The following BNC2 variants were observed in gnomAD, a reference collection of about 807,000 sequenced individuals.
BNC2 encodes basonuclin zinc finger protein 2, also known as zinc finger protein basonuclin-2.
In BNC2, 20 loss-of-function variants were observed where a neutral mutation model predicts 76.3. The observed-to-expected ratio is 0.26, with a 90% CI of 0.18 to 0.38. The LOEUF is 0.38. Ranked by LOEUF, BNC2 falls within the 10% of genes least tolerant of loss-of-function variation. The probability of loss-of-function intolerance (pLI) is 1.00; values close to 1 mark genes in which losing one functional copy is unlikely to be tolerated. For missense variants in BNC2, 1,382 were observed against 1,399.8 expected, an observed-to-expected ratio of 0.99 and a Z score of 0.20; for synonymous variants, 582 against 514.8, an observed-to-expected ratio of 1.13 and a Z score of -1.77.
rs140809930 is a variant in BNC2 at position 16,678,267 on chromosome 9, CTTTTTTTTTTTT to C, written c.330+49518_330+49529del. Among the ~76,000 whole-genome samples the C allele has an allele frequency of 2.9e-3, 231 of 80,750 alleles. 2 individuals carry two copies. Among genetic ancestry groups the C allele is most frequent in the East Asian group, 0.024 (64 of 2,616 alleles). The allele number at this position is 80,750 out of a possible 152,430, so 53.0% of individuals were successfully genotyped here. A position where few individuals can be genotyped will look rare whatever the true frequency, so the allele number is the denominator to read the frequency against. ...ACTTGTAACTGTTTTCTTTCTTTTTCTTTTTTTTTTTTTTTTTTTTTTTTTTTTTGAGACAGA... is the reference window on the plus strand; with the variant it reads ...ACTTGTAACTGTTTTCTTTCTTTTTCTTTTTTTTTTTTTTTTTGAGACAGA... On this transcript the variant is annotated intron_variant, in intron 3 of 6. Coordinates refer to ENST00000380672, the MANE Select transcript of BNC2 (RefSeq NM_017637.6).
At chr9:16,865,862 T>C (rs557218842) in intron 1 of BNC2, among the ~76,000 whole-genome samples, 6 of 152,264 alleles carry the variant, frequency 3.9e-5, no homozygotes, top group South Asian at 2.1e-4. Flanking sequence ...AAAAGCATAC[T>C]GAGAATATAT....
chr9:16,751,841 C>T (rs5016912), intron 1 of BNC2, among the ~76,000 whole-genome samples: 130,202 of 151,424 alleles, frequency 0.86, 56,377 homozygotes, highest in Non-Finnish European at 0.91. Context: ...ACCAGCCTGG[C>T]CAACATGGTG....
chr9:16,839,274 ACTAGCACT>A (rs1342294282), intron 1 of BNC2, among the ~76,000 whole-genome samples: 3 of 152,194 alleles, frequency 2.0e-5, no homozygotes, highest in Non-Finnish European at 4.4e-5. Flanking sequence ...ACCAATCATA[ACTAGCACT>A]CGTTGCTAAG....
chr9:16,694,579 G>C (rs549973826), intron 3 of BNC2, among the ~76,000 whole-genome samples: 3 of 152,242 alleles, frequency 2.0e-5, no homozygotes, highest in Non-Finnish European at 4.4e-5. Flanking sequence ...CTCTAAACAG[G>C]GGAGCCAGGG....
At position 16,559,799 on chromosome 9, in the gene BNC2, A is replaced by G. The variant is rs1158080918; in HGVS notation, c.434-7034T>C. Among the ~76,000 whole-genome samples the G allele has an allele frequency of 2.0e-5, 3 of 152,210 alleles. No homozygotes were observed. In the East Asian group the frequency reaches 5.8e-4, roughly 29 times the overall value. ...TCCTCCTTCATTCATGCATACATTC[A>G]TTTATCCACCAGCACCTATTAACTT... is the stretch of plus-strand genomic sequence containing the variant. On this transcript the variant is annotated intron_variant, in intron 4 of 6. Coordinates refer to ENST00000380672, the MANE Select transcript of BNC2 (RefSeq NM_017637.6).
At chr9:16,676,046 C>T (rs1822630967) in intron 3 of BNC2, among the ~76,000 whole-genome samples, 1 of 152,124 alleles carries the variant, frequency 6.6e-6, no homozygotes, top group Non-Finnish European at 1.5e-5. Flanking sequence ...GCCTGGGTGA[C>T]AAAGCGAGAC....
chr9:16,785,206 C>G, intron 1 of BNC2, among the ~76,000 whole-genome samples: 1 of 152,174 alleles, frequency 6.6e-6, no homozygotes, highest in Admixed American at 6.5e-5. Flanking sequence ...CATTGCAGTG[C>G]AAGACAAGAC....
chr9:16,702,039 A>G (rs1823531172), intron 3 of BNC2, among the ~76,000 whole-genome samples: 1 of 152,162 alleles, frequency 6.6e-6, no homozygotes, highest in African/African-American at 2.4e-5. Context: ...CTAAAAAACA[A>G]TAAAAAGAAG....
At chr9:16,449,137 C>T (rs1437865558) in intron 5 of BNC2, among the ~76,000 whole-genome samples, 4 of 152,100 alleles carry the variant, frequency 2.6e-5, no homozygotes, top group African/African-American at 2.4e-5. Context: ...AAGGAGAAAG[C>T]GTACATTATA....
chr9:16,708,861 A>G (rs1221018935), intron 3 of BNC2, among the ~76,000 whole-genome samples: 2 of 152,196 alleles, frequency 1.3e-5, no homozygotes, highest in Non-Finnish European at 2.9e-5. Context: ...AATCAATGCC[A>G]CTAGAAAAGC....
chr9:16,833,319 C>G (rs1014653613), intron 1 of BNC2, among the ~76,000 whole-genome samples: 1 of 152,136 alleles, frequency 6.6e-6, no homozygotes, highest in African/African-American at 2.4e-5. Context: ...AACCTTCTGT[C>G]CCTGTAAGCA....
intron 5 of BNC2, among the ~76,000 whole-genome samples, chr9:16,551,962 T>C (rs1004374340): frequency 1.3e-5 from 2 of 152,220 alleles, no homozygotes; most frequent in African/African-American, 4.8e-5. Context: ...AAATCATGTC[T>C]GTGTGTTTCA....
At chr9:16,695,871 AG>A (rs1823324040) in intron 3 of BNC2, among the ~76,000 whole-genome samples, 1 of 123,872 alleles carries the variant, frequency 8.1e-6, no homozygotes, top group African/African-American at 2.7e-5. Flanking sequence ...ACAAGCAAAT[AG>A]GTTCACTGGT....
At chr9:16,681,158 T>C (rs78070156) in intron 3 of BNC2, among the ~76,000 whole-genome samples, 34 of 152,224 alleles carry the variant, frequency 2.2e-4, no homozygotes, top group African/African-American at 7.5e-4. Flanking sequence ...AAGCAGACAA[T>C]AGGAAACTCT....
intron 1 of BNC2, among the ~76,000 whole-genome samples, chr9:16,843,668 A>G (rs574783943): frequency 2.4e-4 from 37 of 152,352 alleles, no homozygotes; most frequent in African/African-American, 8.4e-4. Flanking sequence ...ATAAATGAAA[A>G]ATCTATTACC....
Position 16,528,012 on chromosome 9 carries a change from A to T in BNC2, c.669+24518T>A, listed in dbSNP as rs368224864. Among the ~76,000 whole-genome samples, 4 of 152,234 alleles carry T rather than the reference A, an allele frequency of 2.6e-5. No individual in the cohort carries two copies. The East Asian group carries it at 5.8e-4, about 22-fold the overall frequency. Reference sequence around the variant, plus strand: ...CTTTATAATTTTTCCTGAGGGCTTTAACAACAGAACAGATGCCAAATGCAT... The same window carrying T: ...CTTTATAATTTTTCCTGAGGGCTTTTACAACAGAACAGATGCCAAATGCAT... On this transcript the variant is annotated intron_variant, in intron 5 of 6. Coordinates refer to ENST00000380672, the MANE Select transcript of BNC2 (RefSeq NM_017637.6).
At chr9:16,683,033 TAA>T (rs1025610115) in intron 3 of BNC2, among the ~76,000 whole-genome samples, 1 of 152,098 alleles carries the variant, frequency 6.6e-6, no homozygotes, top group Admixed American at 6.6e-5. Flanking sequence ...GGAAAGTAAA[TAA>T]AGTTACAGAA....
intron 1 of BNC2, among the ~76,000 whole-genome samples, chr9:16,747,576 G>C (rs1225623059): frequency 6.6e-6 from 1 of 152,136 alleles, no homozygotes; most frequent in Non-Finnish European, 1.5e-5. Context: ...TTAGTCACTT[G>C]GCCGAAGTCT....
rs200064190 is a variant in BNC2, at chr9:16,818,980, T to TA, written c.3+51665dup. On this transcript the variant is annotated intron_variant, in intron 1 of 6. Transcript: ENST00000380672. ...TCACTGGACCTCAGAACCTTGGCAA[T>TA]AAAAAAAAGTCCCTTCATCTCTTAT... is the stretch of plus-strand genomic sequence containing the variant. 8.6e-5 allele frequency among the ~76,000 whole-genome samples: 13 copies of TA among 151,898 alleles called. No homozygotes were observed. The East Asian group carries it at 1.6e-3, about 18-fold the overall frequency.
Sources: allele counts gnomAD v4.1 joint callset (sites outside exome capture counted in the v4.1 genomes callset), GRCh38; gene constraint gnomAD v4.1.1; transcripts MANE v1.5; gene names NCBI Gene and HGNC (gene_info 2026-07-23, HGNC 2026-07-21).